The following RTN1 variants were observed in gnomAD, a reference collection of about 807,000 sequenced individuals.
RTN1 encodes reticulon 1, also known as reticulon-1.
RTN1 carries 25 observed loss-of-function variants against 65.5 expected under a neutral mutation model. The observed-to-expected ratio is 0.38, with a 90% CI of 0.28 to 0.53. The LOEUF (loss-of-function observed/expected upper bound fraction) is 0.53. RTN1 is among the 20% of genes least tolerant of loss of function. The pLI, the probability that RTN1 is intolerant of heterozygous loss-of-function variation, is 0.79. For missense variants in RTN1, 983 were observed against 1,025.4 expected, an observed-to-expected ratio of 0.96 and a Z score of 0.57; for synonymous variants, 471 against 447.6, an observed-to-expected ratio of 1.05 and a Z score of -0.66.
chr14:59,800,385 A>G (rs537633987), intron 1 of RTN1, among the ~76,000 whole-genome samples: 1 of 152,260 alleles, frequency 6.6e-6, no homozygotes, highest in Admixed American at 6.5e-5. Flanking sequence ...ACAAAAATAC[A>G]TCTTTTTGTT....
intron 1 of RTN1, among the ~76,000 whole-genome samples, chr14:59,844,156 C>T (rs1483779095): frequency 1.3e-5 from 2 of 152,122 alleles, no homozygotes; most frequent in Admixed American, 1.3e-4. Context: ...TAAACACAGC[C>T]TCGGGTATAG....
At chr14:59,731,788 C>T (rs1884902755) in intron 2 of RTN1, among the ~76,000 whole-genome samples, 1 of 152,126 alleles carries the variant, frequency 6.6e-6, no homozygotes, top group Non-Finnish European at 1.5e-5. Flanking sequence ...TTCAGATTTT[C>T]CTCCTAGCTC....
intron 8 of RTN1, among the ~76,000 whole-genome samples, chr14:59,599,145 A>G (rs1881497686): frequency 6.6e-6 from 1 of 152,334 alleles, no homozygotes; most frequent in Non-Finnish European, 1.5e-5. Flanking sequence ...CAATCAAGCA[A>G]TTAAAACCCC....
chr14:59,641,135 G>C (rs1882771234), intron 3 of RTN1, among the ~76,000 whole-genome samples: 1 of 151,744 alleles, frequency 6.6e-6, no homozygotes, highest in Admixed American at 6.6e-5. Flanking sequence ...ATTTTTTTGG[G>C]GGGGGTATTT....
intron 1 of RTN1, among the ~76,000 whole-genome samples, chr14:59,757,591 T>C (rs1025435909): frequency 1.3e-4 from 20 of 152,138 alleles, no homozygotes; most frequent in African/African-American, 3.9e-4. Flanking sequence ...AATGAACTAA[T>C]ACAGAGCCCT....
At chr14:59,822,816 A>T (rs900779161) in intron 1 of RTN1, among the ~76,000 whole-genome samples, 8 of 150,694 alleles carry the variant, frequency 5.3e-5, no homozygotes, top group Admixed American at 4.0e-4. Flanking sequence ...TATGGCTCTG[A>T]GTGATCTTGG....
intron 2 of RTN1, among the ~76,000 whole-genome samples, chr14:59,733,089 T>TTTTTC (rs1884934514): frequency 1.3e-5 from 2 of 150,680 alleles, no homozygotes; most frequent in South Asian, 4.2e-4. Flanking sequence ...CTTTTTTTTT[T>TTTTTC]TTTCTTTCTT....
At chr14:59,686,141 A>G (rs144635512) in intron 3 of RTN1, among the ~76,000 whole-genome samples, 4 of 152,200 alleles carry the variant, frequency 2.6e-5, no homozygotes, top group Non-Finnish European at 5.9e-5. Context: ...GAAAATTGTT[A>G]TCTCTCACCA....
chr14:59,765,762 C>T (rs149455133), intron 1 of RTN1, among the ~76,000 whole-genome samples: 26 of 151,744 alleles, frequency 1.7e-4, no homozygotes, highest in African/African-American at 5.6e-4. Context: ...GTATTAAATG[C>T]TCATGGTTTT....
At chr14:59,797,208 A>G (rs897248845) in intron 1 of RTN1, among the ~76,000 whole-genome samples, 1 of 152,196 alleles carries the variant, frequency 6.6e-6, no homozygotes, top group Non-Finnish European at 1.5e-5. Context: ...TGCAAAACAA[A>G]TCTTCGTCAC....
At chr14:59,751,900 C>A (rs572035941) in intron 1 of RTN1, among the ~76,000 whole-genome samples, 36 of 152,298 alleles carry the variant, frequency 2.4e-4, no homozygotes, top group African/African-American at 8.4e-4. Context: ...TGAATTCCAC[C>A]TGGTCACAGC....
chr14:59,675,977 C>T (rs1001976966), intron 3 of RTN1, among the ~76,000 whole-genome samples: 1 of 152,156 alleles, frequency 6.6e-6, no homozygotes, highest in Non-Finnish European at 1.5e-5. Flanking sequence ...CCCCACTCCC[C>T]ATTTAATGCT....
In RTN1 at chr14:59,829,400, A is replaced by G. The variant is rs1887087951; in HGVS notation, c.241+40990T>C. Among the ~76,000 whole-genome samples, 1 of 152,246 alleles carries G rather than the reference A, an allele frequency of 6.6e-6. No individual in the cohort carries two copies. Among genetic ancestry groups the G allele is most frequent in the African/African-American group, 2.4e-5 (1 of 41,468 alleles). Reference sequence around the variant, plus strand: ...AAAAAACACCTCTATTAGTCAAAATAGAATAGTTAATGCTGAGGTGACCCC... The same window carrying G: ...AAAAAACACCTCTATTAGTCAAAATGGAATAGTTAATGCTGAGGTGACCCC... On this transcript the variant is annotated intron_variant, in intron 1 of 8. Coordinates refer to ENST00000267484, the MANE Select transcript of RTN1 (RefSeq NM_021136.3). The surrounding 1 kb of genome is among the most constrained non-coding windows in gnomAD (Gnocchi z 4.3).
chr14:59,603,954 A>G (rs1285683744), intron 5 of RTN1, 33 bp from the exon 6 acceptor site: 1 of 1,572,764 alleles, frequency 6.4e-7, no homozygotes, highest in South Asian at 1.1e-5. Context: ...GAGCTCCTAA[A>G]ACCCTTCCTG....
chr14:59,683,941 C>T (rs919204742), intron 3 of RTN1, among the ~76,000 whole-genome samples: 1 of 151,984 alleles, frequency 6.6e-6, no homozygotes, highest in Non-Finnish European at 1.5e-5. Flanking sequence ...CCAAGGATTG[C>T]CCTTTGAGTT....
intron 1 of RTN1, among the ~76,000 whole-genome samples, chr14:59,749,575 A>ATATATT (rs1566712230): frequency 0.13 from 6,270 of 48,456 alleles, 1,914 homozygotes; most frequent in African/African-American, 0.26. Context: ...ATAGATATAT[A>ATATATT]TATATAGATA....
At chr14:59,738,665 G>T (rs1439081785) in intron 2 of RTN1, among the ~76,000 whole-genome samples, 2 of 152,126 alleles carry the variant, frequency 1.3e-5, no homozygotes, top group Non-Finnish European at 2.9e-5. Flanking sequence ...ATACCCAAAG[G>T]AATAGGAATC....
intron 1 of RTN1, among the ~76,000 whole-genome samples, chr14:59,764,217 T>A (rs913473262): frequency 4.6e-5 from 7 of 152,188 alleles, no homozygotes; most frequent in African/African-American, 1.4e-4. Flanking sequence ...ATCCAGTGAC[T>A]GTTTTAGAGC....
chr14:59,629,405 T>C (rs1882484415), intron 3 of RTN1, among the ~76,000 whole-genome samples: 1 of 152,192 alleles, frequency 6.6e-6, no homozygotes, highest in Admixed American at 6.5e-5. Context: ...TGATATAGAA[T>C]TACAAGGGGA....
Sources: allele counts gnomAD v4.1 joint callset (sites outside exome capture counted in the v4.1 genomes callset), GRCh38; gene constraint gnomAD v4.1.1; non-coding constraint Gnocchi (gnomAD v3.1); transcripts MANE v1.5; gene names NCBI Gene and HGNC (gene_info 2026-07-23, HGNC 2026-07-21).